TSHZ2: variants seen among roughly 807,000 people sequenced by gnomAD.
TSHZ2 encodes teashirt zinc finger homeobox 2, also known as teashirt homolog 2.
A neutral mutation model predicts 74.4 loss-of-function variants in TSHZ2; 21 were observed. The ratio of observed to expected loss-of-function variants is 0.28; its 90% confidence interval spans 0.20 to 0.41. TSHZ2 has a LOEUF of 0.41. Among genes scored for constraint, TSHZ2 ranks in the 10% least tolerant of loss-of-function variants. TSHZ2 has a pLI of 1.00. For missense variants in TSHZ2, 1,244 were observed against 1,293.5 expected, an observed-to-expected ratio of 0.96 and a Z score of 0.59; for synonymous variants, 540 against 515.3, an observed-to-expected ratio of 1.05 and a Z score of -0.65.
chr20:53,422,656 T>A (rs984007575), intron 2 of TSHZ2, among the ~76,000 whole-genome samples: 3 of 152,160 alleles, frequency 2.0e-5, no homozygotes, highest in Non-Finnish European at 4.4e-5. Flanking sequence ...AGGCCTCTCA[T>A]TACCACCTGC....
intron 1 of TSHZ2, among the ~76,000 whole-genome samples, chr20:53,163,004 A>C (rs1987978489): frequency 6.6e-6 from 1 of 152,250 alleles, no homozygotes; most frequent in Non-Finnish European, 1.5e-5. Context: ...AGTACTGAAA[A>C]GAATGTAGGA....
intron 2 of TSHZ2, among the ~76,000 whole-genome samples, chr20:53,471,680 G>A (rs886917555): frequency 5.3e-5 from 8 of 152,002 alleles, no homozygotes; most frequent in African/African-American, 1.7e-4. Flanking sequence ...TGAGGCCAGT[G>A]TTCTTGGTAT....
intron 2 of TSHZ2, among the ~76,000 whole-genome samples, chr20:53,362,336 C>T (rs1288010882): frequency 2.6e-5 from 4 of 152,058 alleles, no homozygotes; most frequent in African/African-American, 4.8e-5. Context: ...AGACGCCCGC[C>T]ACCACGCCTG....
At chr20:53,232,419 C>T (rs1989846718) in intron 1 of TSHZ2, among the ~76,000 whole-genome samples, 1 of 152,172 alleles carries the variant, frequency 6.6e-6, no homozygotes, top group Non-Finnish European at 1.5e-5. Flanking sequence ...AGGAGTTTAC[C>T]ATTGGGAGGG....
At chr20:53,172,728 T>A (rs762129536) in intron 1 of TSHZ2, among the ~76,000 whole-genome samples, 1 of 152,212 alleles carries the variant, frequency 6.6e-6, no homozygotes, top group Non-Finnish European at 1.5e-5. Flanking sequence ...TCTGGTAACT[T>A]GCTAAAGCTT....
rs375595323 is a variant in TSHZ2, at chr20:53,255,874, A to C, written c.2416A>C (p.Thr806Pro). The change falls in exon 2 of 3, where the codon ACC (threonine) becomes CCC (proline). Residue 806 changes from threonine to proline, a missense_variant. Physicochemically the swap from Thr to Pro is conservative, Grantham distance 38. Around this residue, in one of 6 missense-constraint regions of TSHZ2, gnomAD observed 562 missense variants for 544.0 expected, o/e 1.03. Transcript: ENST00000371497. The surrounding 1 kb of genome is among the most constrained non-coding windows in gnomAD (Gnocchi z 4.1). ...ADMVKVLPKA[T>P]TPKPASSSRV... ...CATGGTCAAAGTCCTCCCCAAAGCC[A>C]CCACCCCAAAGCCAGCCTCCTCCTC... 2 of 1,612,610 alleles carry C rather than the reference A, an allele frequency of 1.2e-6. No homozygotes were observed. Among genetic ancestry groups the C allele is most frequent in the East Asian group, 4.5e-5 (2 of 44,852 alleles).
chr20:53,391,346 C>T (rs568622895), intron 2 of TSHZ2, among the ~76,000 whole-genome samples: 272 of 152,226 alleles, frequency 1.8e-3, no homozygotes, highest in Middle Eastern at 3.4e-3. Flanking sequence ...GGGGTTTCAC[C>T]GTGTTAGCCA....
intron 2 of TSHZ2, among the ~76,000 whole-genome samples, chr20:53,379,253 G>A (rs574798882): frequency 4.8e-4 from 73 of 152,234 alleles, no homozygotes; most frequent in Admixed American, 2.0e-3. Flanking sequence ...GTGGTGTCAC[G>A]CGCCTGTAGT....
At chr20:53,183,366 T>C (rs1208683900) in intron 1 of TSHZ2, among the ~76,000 whole-genome samples, 1 of 152,122 alleles carries the variant, frequency 6.6e-6, no homozygotes, top group Non-Finnish European at 1.5e-5. Flanking sequence ...CGTCCCTGAG[T>C]GAAGATGCTG....
intron 1 of TSHZ2, among the ~76,000 whole-genome samples, chr20:53,040,596 C>T (rs1984002936): frequency 6.7e-6 from 1 of 149,680 alleles, no homozygotes; most frequent in Admixed American, 6.6e-5. Context: ...CTGTCCCTGG[C>T]CACGTGTTCT....
At chr20:53,188,415 G>A (rs757365) in intron 1 of TSHZ2, among the ~76,000 whole-genome samples, 32,826 of 152,112 alleles carry the variant, frequency 0.22, 3,963 homozygotes, top group Admixed American at 0.27. Context: ...AGAGATACAA[G>A]GCAATGCTAA....
At chr20:53,382,590 T>G in intron 2 of TSHZ2, among the ~76,000 whole-genome samples, 1 of 152,114 alleles carries the variant, frequency 6.6e-6, no homozygotes, top group South Asian at 2.1e-4. Context: ...AAATAGAAGC[T>G]TCGGGATAAT....
chr20:53,375,635 C>T (rs764308418), intron 2 of TSHZ2, among the ~76,000 whole-genome samples: 4 of 152,142 alleles, frequency 2.6e-5, no homozygotes, highest in Non-Finnish European at 4.4e-5. Flanking sequence ...AGGGCTGCTG[C>T]TTTTCCCATC....
At chr20:53,018,332 A>G (rs1239232801) in intron 1 of TSHZ2, among the ~76,000 whole-genome samples, 1 of 152,174 alleles carries the variant, frequency 6.6e-6, no homozygotes, top group African/African-American at 2.4e-5. Context: ...TATGTCATAT[A>G]CCAAGTTCCC....
intron 1 of TSHZ2, among the ~76,000 whole-genome samples, chr20:53,132,879 A>G (rs1987142451): frequency 6.6e-6 from 1 of 152,082 alleles, no homozygotes; most frequent in South Asian, 2.1e-4. Context: ...TTCATTTTTA[A>G]GTTAATGTTT....
At chr20:53,286,262 C>T (rs1469555498) in intron 2 of TSHZ2, among the ~76,000 whole-genome samples, 2 of 152,128 alleles carry the variant, frequency 1.3e-5, no homozygotes, top group Admixed American at 1.3e-4. Flanking sequence ...TATGAATGCA[C>T]TAATTAAAAG....
At chr20:53,342,955 CTTTTTTTTTTTTTTT>C (rs1175907478) in intron 2 of TSHZ2, among the ~76,000 whole-genome samples, 4 of 61,220 alleles carry the variant, frequency 6.5e-5, no homozygotes, top group African/African-American at 1.3e-4. Context: ...CTTTTCTTTT[CTTTTTTTTTTTTTTT>C]TTTTTTTTTT....
chr20:53,409,280 T>A (rs966436342), intron 2 of TSHZ2, among the ~76,000 whole-genome samples: 2 of 152,166 alleles, frequency 1.3e-5, no homozygotes, highest in African/African-American at 4.8e-5. Flanking sequence ...AAAAAAATTA[T>A]CTTTCTAAAC....
chr20:53,162,261 G>T (rs528894026), intron 1 of TSHZ2, among the ~76,000 whole-genome samples: 1 of 152,122 alleles, frequency 6.6e-6, no homozygotes, highest in Non-Finnish European at 1.5e-5. Flanking sequence ...AGAACTTCAC[G>T]GACACCCAGC....
Sources: allele counts gnomAD v4.1 joint callset (sites outside exome capture counted in the v4.1 genomes callset), GRCh38; gene constraint gnomAD v4.1.1; regional missense constraint gnomAD v4.1.1; non-coding constraint Gnocchi (gnomAD v3.1); transcripts MANE v1.5; gene names NCBI Gene and HGNC (gene_info 2026-07-23, HGNC 2026-07-21).